The following CAMKMT variants were observed in gnomAD, a reference collection of about 807,000 sequenced individuals.
CAMKMT encodes the protein calmodulin-lysine N-methyltransferase, also known as CaM KMT.
In CAMKMT, 53 loss-of-function variants were observed where a neutral mutation model predicts 48.0. The observed-to-expected ratio is 1.10, with a 90% CI of 0.89 to 1.39. The LOEUF (loss-of-function observed/expected upper bound fraction) is 1.39, where lower values mean the gene tolerates loss of function less well. CAMKMT is among the 40% of genes most tolerant of loss of function. The pLI is 0.00. For synonymous variants in CAMKMT, 165 were observed against 152.3 expected (o/e 1.08, Z -0.61); for missense variants, 428 against 402.7 (o/e 1.06, Z -0.54).
chr2:44,536,248 A>C (rs185885526), intron 3 of CAMKMT, among the ~76,000 whole-genome samples: 124 of 152,296 alleles, frequency 8.1e-4, no homozygotes, highest in Admixed American at 1.2e-3. Flanking sequence ...TTTGTGGGTC[A>C]GAAGAATTAA....
At chr2:44,697,910 G>C (rs1487830480) in intron 3 of CAMKMT, among the ~76,000 whole-genome samples, 1 of 152,160 alleles carries the variant, frequency 6.6e-6, no homozygotes, top group African/African-American at 2.4e-5. Context: ...TTAGCTAAAA[G>C]AGTTGAAAGT....
chr2:44,605,874 A>T (rs956640096), intron 3 of CAMKMT, among the ~76,000 whole-genome samples: 9 of 152,178 alleles, frequency 5.9e-5, no homozygotes, highest in African/African-American at 2.2e-4. Flanking sequence ...AACCACTCAT[A>T]CATAGAGCTT....
At chr2:44,580,589 C>T (rs1344498633) in intron 3 of CAMKMT, among the ~76,000 whole-genome samples, 3 of 152,152 alleles carry the variant, frequency 2.0e-5, no homozygotes, top group Non-Finnish European at 4.4e-5. Context: ...GGGCCACTAA[C>T]ATAGAAAAAT....
At chr2:44,402,192 G>A (rs1682435858) in intron 3 of CAMKMT, among the ~76,000 whole-genome samples, 1 of 152,042 alleles carries the variant, frequency 6.6e-6, no homozygotes, top group Non-Finnish European at 1.5e-5. Context: ...AGCCAGGCCT[G>A]GTGGCAGGTG....
At chr2:44,568,631 C>A (rs1044492151) in intron 3 of CAMKMT, among the ~76,000 whole-genome samples, 1 of 152,050 alleles carries the variant, frequency 6.6e-6, no homozygotes, top group African/African-American at 2.4e-5. Context: ...TGAAGCAGGT[C>A]AGCATAACAG....
intron 3 of CAMKMT, among the ~76,000 whole-genome samples, chr2:44,521,983 CCT>C (rs1671137761): frequency 6.6e-6 from 1 of 151,364 alleles, no homozygotes; most frequent in Admixed American, 6.6e-5. Context: ...AGTTATGCAA[CCT>C]CTGTTTTCTC....
intron 3 of CAMKMT, among the ~76,000 whole-genome samples, chr2:44,566,899 C>T (rs765280765): frequency 6.6e-6 from 1 of 152,056 alleles, no homozygotes; most frequent in African/African-American, 2.4e-5. Context: ...TGTGTTTTTG[C>T]GGAGTTGGGC....
intron 3 of CAMKMT, among the ~76,000 whole-genome samples, chr2:44,506,229 G>A (rs1481076479): frequency 1.3e-5 from 2 of 152,108 alleles, no homozygotes; most frequent in Non-Finnish European, 2.9e-5. Flanking sequence ...AAGCTAAGTG[G>A]TAGGGGTATA....
intron 3 of CAMKMT, among the ~76,000 whole-genome samples, chr2:44,567,978 A>C (rs1285022711): frequency 6.6e-6 from 1 of 151,606 alleles, no homozygotes; most frequent in African/African-American, 2.4e-5. Flanking sequence ...ACTGGGGACC[A>C]AGGTTAATTG....
At chr2:44,741,767 A>G (rs72870551) in intron 7 of CAMKMT, among the ~76,000 whole-genome samples, 2,007 of 152,324 alleles carry the variant, frequency 0.013, 37 homozygotes, top group African/African-American at 0.044. Context: ...GTGGGAATCC[A>G]TACCCAGTCG....
At chr2:44,701,015 C>T (rs1216239800) in intron 3 of CAMKMT, among the ~76,000 whole-genome samples, 3 of 152,126 alleles carry the variant, frequency 2.0e-5, no homozygotes, top group African/African-American at 7.2e-5. Flanking sequence ...TATGGACGTA[C>T]CACATTTTAT....
chr2:44,604,344 G>T (rs1447607902), intron 3 of CAMKMT, among the ~76,000 whole-genome samples: 2 of 152,092 alleles, frequency 1.3e-5, no homozygotes, highest in African/African-American at 4.8e-5. Context: ...TTGCCAAAGT[G>T]CTTGTTTCAC....
intron 3 of CAMKMT, among the ~76,000 whole-genome samples, chr2:44,509,318 G>T (rs1417816191): frequency 1.3e-5 from 2 of 151,236 alleles, no homozygotes; most frequent in Admixed American, 1.3e-4. Flanking sequence ...TTTGTTTTTT[G>T]TTTTGTTTTG....
In CAMKMT at chr2:44,618,119, T is replaced by G. The variant is rs934777; in HGVS notation, c.377-86164T>G. ...AAAAGTAAAAAATGATGTTCTCTGC[T>G]TCAAGCAGCAGGTGTGTTTTTAATC... is the stretch of plus-strand genomic sequence containing the variant. On this transcript the variant is annotated intron_variant, in intron 3 of 10. Coordinates refer to ENST00000378494, the MANE Select transcript of CAMKMT (RefSeq NM_024766.5). The surrounding 1 kb of genome is among the most constrained non-coding windows in gnomAD (Gnocchi z 4.0). Among the ~76,000 whole-genome samples, 2 of 151,996 alleles carry G rather than the reference T, an allele frequency of 1.3e-5. No homozygotes were observed. Among genetic ancestry groups the G allele is most frequent in the South Asian group, 4.1e-4 (2 of 4,834 alleles).
chr2:44,708,170 T>G (rs1465588766), intron 6 of CAMKMT, among the ~76,000 whole-genome samples: 2 of 144,668 alleles, frequency 1.4e-5, no homozygotes, highest in Non-Finnish European at 3.0e-5. Context: ...TTAACAGCTG[T>G]TAGAAACTGA....
chr2:44,477,811 A>T (rs373626709), intron 3 of CAMKMT, among the ~76,000 whole-genome samples: 3 of 152,232 alleles, frequency 2.0e-5, no homozygotes, highest in Middle Eastern at 3.2e-3. Context: ...TAAATTCAGG[A>T]CTATTAGCAT....
chr2:44,717,914 G>A (rs1295547799), intron 7 of CAMKMT, among the ~76,000 whole-genome samples: 2 of 151,440 alleles, frequency 1.3e-5, no homozygotes, highest in East Asian at 3.9e-4. Context: ...CTACTCCGAT[G>A]ATGTTCTCAG....
chr2:44,705,347 A>G (rs1394250603), intron 4 of CAMKMT: 5 of 985,364 alleles, frequency 5.1e-6, no homozygotes, highest in Non-Finnish European at 6.0e-6. Flanking sequence ...GGGAAGAGGA[A>G]ACAATCCTAA....
chr2:44,683,822 CAAA>C (rs10644183), intron 3 of CAMKMT, among the ~76,000 whole-genome samples: 5 of 70,940 alleles, frequency 7.0e-5, no homozygotes, highest in African/African-American at 2.7e-4. Context: ...GACTCTGTCT[CAAA>C]AAAAAAAAAA....
Sources: allele counts gnomAD v4.1 joint callset (sites outside exome capture counted in the v4.1 genomes callset), GRCh38; gene constraint gnomAD v4.1.1; non-coding constraint Gnocchi (gnomAD v3.1); transcripts MANE v1.5; gene names NCBI Gene and HGNC (gene_info 2026-07-23, HGNC 2026-07-21).